Variants in KLRC4 observed in about 807,000 individuals in gnomAD.
The protein encoded by KLRC4 is killer cell lectin like receptor C4.
KLRC4 carries 6 observed loss-of-function variants against 14.3 expected under a neutral mutation model. The observed-to-expected ratio is 0.42, with a 90% CI of 0.23 to 0.83. KLRC4 has a LOEUF of 0.83. KLRC4 is among the 40% of genes least tolerant of loss of function. KLRC4 has a pLI of 0.29. For synonymous variants in KLRC4, 53 were observed against 60.5 expected (o/e 0.88, Z 0.57); for missense variants, 158 against 179.4 (o/e 0.88, Z 0.68).
rs940881739 is a variant in KLRC4, at chr12:10,408,351, G to A, written c.318C>T (p.Ser106=). ...CIGVLEQNNF[S]LNRRMQKARH... ...TACCTTTCTGCATTCTTCTATTCAG[G>A]GAAAAATTGTTCTGCTCCAGTACTC... Residue 106 remains serine, a synonymous_variant, in exon 3 of 4, where the codon TCC becomes TCT. Transcript: ENST00000309384. 6.0e-6 allele frequency: 9 copies of A among 1,508,276 alleles called. No individual in the cohort carries two copies. The highest frequency in any genetic ancestry group is 3.4e-4 in the Middle Eastern group (2 of 5,866). 93.4% of individuals were successfully genotyped at this position (1,508,276 alleles called of 1,614,324 possible).
Position 10,408,363 on chromosome 12 carries a change from C to G in KLRC4, c.306G>C (p.Gln102His). ...TTCTTCTATTCAGGGAAAAATTGTT[C>G]TGCTCCAGTACTCCAATACCTAGAA... is the stretch of plus-strand genomic sequence containing the variant. ...VLIPCIGVLEQNNFSLNRRMQ... is the reference protein window; with the variant it reads ...VLIPCIGVLEHNNFSLNRRMQ... Residue 102 changes from glutamine to histidine, a missense_variant, in exon 3 of 4, where the codon CAG becomes CAC. Physicochemically the swap from Gln to His is conservative, Grantham distance 24 (BLOSUM62 0). Transcript: ENST00000309384. 6.8e-7 allele frequency: 1 copy of G among 1,480,818 alleles called. No homozygotes were observed. The highest frequency in any genetic ancestry group is 9.4e-7 in the Non-Finnish European group (1 of 1,065,582). The allele number at this position is 1,480,818 out of a possible 1,614,324, so 91.7% of individuals were successfully genotyped here.
chr12:10,408,367 T>C lies in KLRC4; in HGVS notation c.302A>G (p.Glu101Gly). ...TCTATTCAGGGAAAAATTGTTCTGC[T>C]CCAGTACTCCAATACCTAGAAAAAT... ...IVLIPCIGVL[E>G]QNNFSLNRRM... Residue 101 changes from glutamate to glycine, a missense_variant, in exon 3 of 4, where the codon GAG becomes GGG. Coordinates refer to ENST00000309384, the MANE Select transcript of KLRC4 (RefSeq NM_013431.2). 1 of 1,467,702 alleles carries C rather than the reference T, an allele frequency of 6.8e-7. No homozygotes were observed. The highest frequency in any genetic ancestry group is 9.5e-7 in the Non-Finnish European group (1 of 1,055,618). 90.9% of individuals were successfully genotyped at this position (1,467,702 alleles called of 1,614,324 possible).
intron 2 of KLRC4, among the ~76,000 whole-genome samples, chr12:10,408,648 G>A (rs1863537789): frequency 6.6e-6 from 1 of 151,932 alleles, no homozygotes. Context: ...CTTAAAACAT[G>A]TCTTTGAGTC....
At chr12:10,408,003 C>T (rs768816280) in intron 3 of KLRC4, among the ~76,000 whole-genome samples, 11 of 151,990 alleles carry the variant, frequency 7.2e-5, no homozygotes, top group South Asian at 2.1e-4. Context: ...AAAACAAGCC[C>T]GCCAACAAAA....
chr12:10,407,789 G>A lies in KLRC4; in HGVS notation c.341C>T (p.Ala114Val). ...CTCAGGACAATGGCCACAATGACGT[G>A]CTAAATAAAAATATGAATTACTATG... ...NFSLNRRMQK[A>V]RHCGHCPEEW... Residue 114 changes from alanine (A) to valine (V), a missense_variant and splice_region_variant, in exon 4 of 4, where the codon GCA becomes GTA. By Grantham distance (64) the Ala-to-Val change is moderately conservative (BLOSUM62 0). Coordinates refer to ENST00000309384, the MANE Select transcript of KLRC4 (RefSeq NM_013431.2). 1 of 1,598,590 alleles carries A rather than the reference G, an allele frequency of 6.3e-7. No individual in the cohort carries two copies. Among genetic ancestry groups the A allele is most frequent in the Non-Finnish European group, 8.5e-7 (1 of 1,174,918 alleles).
At chr12:10,409,051 G>A (rs1863544681) in intron 1 of KLRC4, 41 bp from the exon 2 acceptor site, 1 of 1,608,698 alleles carries the variant, frequency 6.2e-7, no homozygotes, top group Non-Finnish European at 8.5e-7. Flanking sequence ...GGGAGATAGA[G>A]AGTTGATGAG....
chr12:10,408,845 A>G, intron 2 of KLRC4, 67 bp downstream of exon 2: 1 of 1,589,492 alleles, frequency 6.3e-7, no homozygotes, highest in African/African-American at 1.3e-5. Context: ...TTATTATGAA[A>G]TGTTTCAAGG....
rs1591597039 is a variant in KLRC4, at chr12:10,407,622, C to T, written c.*31G>A. On this transcript the variant is annotated 3_prime_UTR_variant, in exon 4 of 4. Transcript: ENST00000309384. ...ATAAGCTTTTAGTAAAGTGTTGAAA[C>T]ATTTACGTCTTACCATTTCTTCCTC... 6 of 1,606,006 alleles carry T rather than the reference C, an allele frequency of 3.7e-6. No homozygotes were observed. Among genetic ancestry groups the T allele is most frequent in the Non-Finnish European group, 5.1e-6 (6 of 1,176,904 alleles).
In KLRC4 at chr12:10,409,642, G is replaced by A. The variant is rs572135005; in HGVS notation, c.-67C>T. 6.6e-6 allele frequency: 10 copies of A among 1,522,524 alleles called. No individual in the cohort carries two copies. The highest frequency in any genetic ancestry group is 5.6e-5 in the African/African-American group (4 of 71,646). The allele number at this position is 1,522,524 out of a possible 1,614,324, so 94.3% of individuals were successfully genotyped here. On this transcript the variant is annotated 5_prime_UTR_variant, in exon 1 of 4. Coordinates refer to ENST00000309384, the MANE Select transcript of KLRC4 (RefSeq NM_013431.2). Reference sequence around the variant, plus strand: ...CTGCACTTAAGAAGCTATAAGTGGTGTATATTTTGACAGGATCCCTGGTAT... The same window carrying A: ...CTGCACTTAAGAAGCTATAAGTGGTATATATTTTGACAGGATCCCTGGTAT...
Position 10,409,719 on chromosome 12 carries a change from A to C in KLRC4, c.-144T>G, listed in dbSNP as rs1273431505. Reference sequence around the variant, plus strand: ...AGTAGTAATGTTCATTTTGCTGTTGACCAATATAAAAGTCTGGTACTAATT... The same window carrying C: ...AGTAGTAATGTTCATTTTGCTGTTGCCCAATATAAAAGTCTGGTACTAATT... On this transcript the variant is annotated 5_prime_UTR_variant, in exon 1 of 4. Coordinates refer to ENST00000309384, the MANE Select transcript of KLRC4 (RefSeq NM_013431.2). The C allele has an allele frequency of 4.1e-6, 5 of 1,209,908 alleles. No individual in the cohort carries two copies. Among genetic ancestry groups the C allele is most frequent in the Non-Finnish European group, 4.4e-6 (4 of 915,554 alleles). 74.9% of individuals were successfully genotyped at this position (1,209,908 alleles called of 1,614,324 possible).
At position 10,409,701 on chromosome 12, in the gene KLRC4, A is replaced by G; in HGVS notation, c.-126T>C. 7.6e-7 allele frequency: 1 copy of G among 1,321,628 alleles called. No homozygotes were observed. The highest frequency in any genetic ancestry group is 2.5e-5 in the East Asian group (1 of 39,648). The allele number at this position is 1,321,628 out of a possible 1,614,324, so 81.9% of individuals were successfully genotyped here. On this transcript the variant is annotated 5_prime_UTR_variant, in exon 1 of 4. Coordinates refer to ENST00000309384, the MANE Select transcript of KLRC4 (RefSeq NM_013431.2). ...TGCATGTGTTGGAGGCTGAGTAGTAATGTTCATTTTGCTGTTGACCAATAT... is the reference window on the plus strand; with the variant it reads ...TGCATGTGTTGGAGGCTGAGTAGTAGTGTTCATTTTGCTGTTGACCAATAT...
Position 10,409,706 on chromosome 12 carries a change from C to T in KLRC4, c.-131G>A. On this transcript the variant is annotated 5_prime_UTR_variant, in exon 1 of 4. The change abolishes an upstream ATG in the 5' untranslated region. Coordinates refer to ENST00000309384, the MANE Select transcript of KLRC4 (RefSeq NM_013431.2). ...GTGTTGGAGGCTGAGTAGTAATGTT[C>T]ATTTTGCTGTTGACCAATATAAAAG... 7.8e-7 allele frequency: 1 copy of T among 1,286,310 alleles called. No homozygotes were observed. Among genetic ancestry groups the T allele is most frequent in the South Asian group, 2.0e-5 (1 of 50,972 alleles). 79.7% of individuals were successfully genotyped at this position (1,286,310 alleles called of 1,614,324 possible).
At chr12:10,408,223 C>G in intron 3 of KLRC4, 106 bp downstream of exon 3, 1 of 691,386 alleles carries the variant, frequency 1.4e-6, no homozygotes, top group South Asian at 1.8e-5. Flanking sequence ...ATTTATGGCT[C>G]ATTGTTATAG....
intron 1 of KLRC4, 115 bp from the exon 2 acceptor site, chr12:10,409,125 A>G (rs1283416855): frequency 9.0e-7 from 1 of 1,116,086 alleles, no homozygotes; most frequent in Non-Finnish European, 1.3e-6. Flanking sequence ...TGTCCTCTAA[A>G]TCTACATCTA....
At position 10,409,679 on chromosome 12, in the gene KLRC4, A is replaced by G; in HGVS notation, c.-104T>C. On this transcript the variant is annotated 5_prime_UTR_variant, in exon 1 of 4. The change abolishes an upstream ATG in the 5' untranslated region. Coordinates refer to ENST00000309384, the MANE Select transcript of KLRC4 (RefSeq NM_013431.2). ...AGGATCCCTGGTATAGGCAAACTGC[A>G]TGTGTTGGAGGCTGAGTAGTAATGT... The G allele has an allele frequency of 6.9e-7, 1 of 1,441,586 alleles. No homozygotes were observed. Among genetic ancestry groups the G allele is most frequent in the Non-Finnish European group, 9.3e-7 (1 of 1,075,762 alleles). 89.3% of individuals were successfully genotyped at this position (1,441,586 alleles called of 1,614,324 possible).
chr12:10,408,418 T>A (rs577871470), intron 2 of KLRC4, 36 bp from the exon 3 acceptor site: 2 of 1,003,080 alleles, frequency 2.0e-6, no homozygotes, highest in South Asian at 2.9e-5. Context: ...AAAATTAATA[T>A]CTAGACAAAT....
At chr12:10,409,050 A>G (rs1483182466) in intron 1 of KLRC4, 40 bp from the exon 2 acceptor site, 1 of 1,608,656 alleles carries the variant, frequency 6.2e-7, no homozygotes, top group South Asian at 1.1e-5. Context: ...GGGGAGATAG[A>G]GAGTTGATGA....
Position 10,409,502 on chromosome 12 carries a change from T to C in KLRC4, c.74A>G (p.Lys25Arg). The C allele has an allele frequency of 6.2e-7, 1 of 1,614,080 alleles. No individual in the cohort carries two copies. Among genetic ancestry groups the C allele is most frequent in the Non-Finnish European group, 8.5e-7 (1 of 1,179,908 alleles). The change falls in exon 1 of 4, where the codon AAG (lysine) becomes AGG (arginine). Residue 25 changes from lysine (K) to arginine (R), a missense_variant. By Grantham distance (26) the Lys-to-Arg change is conservative. Transcript: ENST00000309384. ...QDPKRQQRKLKGNKISISGTK... is the reference protein window; with the variant it reads ...QDPKRQQRKLRGNKISISGTK... The stretch of plus-strand genomic sequence containing the variant: ...TCCTGAAATGGAGATTTTATTGCCC[T>C]TAAGTTTCCTTTGCTGCCTCTTTGG...
At position 10,409,522 on chromosome 12, in the gene KLRC4, C is replaced by G. The variant is rs752025599; in HGVS notation, c.54G>C (p.Lys18Asn). 5 of 1,614,002 alleles carry G rather than the reference C, an allele frequency of 3.1e-6. No individual in the cohort carries two copies. The South Asian group carries it at 5.5e-5, about 18-fold the overall frequency. ...TGCCCTTAAGTTTCCTTTGCTGCCT[C>G]TTTGGGTCCTGGGCCAGACTCACTT... is the stretch of plus-strand genomic sequence containing the variant. ...YSEVSLAQDP[K>N]RQQRKLKGNK... The change falls in exon 1 of 4, where the codon AAG (lysine) becomes AAC (asparagine). Residue 18 changes from lysine (K) to asparagine (N), a missense_variant. By Grantham distance (94) the Lys-to-Asn change is moderately conservative (BLOSUM62 0). Coordinates refer to ENST00000309384, the MANE Select transcript of KLRC4 (RefSeq NM_013431.2).
Sources: gnomAD v4.1 joint callset for allele counts (sites outside exome capture counted in the v4.1 genomes callset) on GRCh38, gnomAD v4.1.1 for gene constraint, MANE v1.5 for transcripts, NCBI Gene and HGNC (gene_info 2026-07-23, HGNC 2026-07-21) for gene names.